TG: variants seen among roughly 807,000 people sequenced by gnomAD.
TG encodes the protein thyroglobulin.
Under a neutral mutation model 324.7 loss-of-function variants are expected in TG, and 270 were observed. The ratio of observed to expected loss-of-function variants is 0.83; its 90% confidence interval spans 0.75 to 0.92. The LOEUF is 0.92. TG is among the 40% of genes least tolerant of loss of function. The pLI is 0.00. For missense variants in TG, 3,591 were observed against 3,456.4 expected (o/e 1.04, Z -0.98); for synonymous variants, 1,401 against 1,327.0 (o/e 1.06, Z -1.21).
chr8:132,884,884 G>A (rs1463195971), intron 8 of TG, among the ~76,000 whole-genome samples: 2 of 152,192 alleles, frequency 1.3e-5, no homozygotes, highest in Non-Finnish European at 2.9e-5. Flanking sequence ...AAGAGAAAGG[G>A]TAAGCTCTTA....
chr8:132,929,065 T>G lies in TG; in HGVS notation c.4700-11T>G. 6.2e-7 allele frequency: 1 copy of G among 1,611,256 alleles called. No individual in the cohort carries two copies. The highest frequency in any genetic ancestry group is 1.1e-5 in the South Asian group (1 of 91,006). On this transcript the variant is annotated splice_polypyrimidine_tract_variant and intron_variant, in intron 22 of 47. Coordinates refer to ENST00000220616, the MANE Select transcript of TG (RefSeq NM_003235.5). ...TCTGAGTCAGATTTACTAAATCTGC[T>G]TTATTTTTAGTGATGCAGAAGTTTG...
chr8:133,029,351 G>A (rs544723416), intron 40 of TG, among the ~76,000 whole-genome samples: 1 of 151,914 alleles, frequency 6.6e-6, no homozygotes, highest in South Asian at 2.1e-4. Flanking sequence ...GGGAAGGGTG[G>A]GATCCAGAGC....
chr8:133,077,838 G>C (rs1418961167), intron 41 of TG, among the ~76,000 whole-genome samples: 1 of 151,698 alleles, frequency 6.6e-6, no homozygotes, highest in Non-Finnish European at 1.5e-5. Context: ...AGCATCTCTG[G>C]ACCTGACCCC....
rs1270739246 is a variant in TG at position 133,113,449 on chromosome 8, A to G, written c.7600A>G (p.Ser2534Gly). 3.1e-6 allele frequency: 5 copies of G among 1,613,912 alleles called. No homozygotes were observed. Among genetic ancestry groups the G allele is most frequent in the Non-Finnish European group, 3.4e-6 (4 of 1,179,990 alleles). Residue 2534 changes from serine to glycine, a missense_variant, in exon 44 of 48, where the codon AGT (serine) becomes GGT (glycine). Physicochemically the swap from Ser to Gly is moderately conservative, Grantham distance 56. Transcript: ENST00000220616. ...KQFEESRGRT[S>G]SKTAFYQALQ... The stretch of plus-strand genomic sequence containing the variant: ...ATTTGAGGAAAGTCGAGGCCGGACC[A>G]GTAGCAAAACAGCCTTTTACCAGGC...
rs1257243340 is a variant in TG, at chr8:132,948,930, G to A, written c.5388G>A (p.Gln1796=). The A allele has an allele frequency of 6.2e-7, 1 of 1,613,670 alleles. No individual in the cohort carries two copies. Among genetic ancestry groups the A allele is most frequent in the Non-Finnish European group, 8.5e-7 (1 of 1,180,008 alleles). Residue 1796 remains glutamine, a synonymous_variant, in exon 27 of 48, where the codon CAG becomes CAA. Coordinates refer to ENST00000220616, the MANE Select transcript of TG (RefSeq NM_003235.5). The part of the protein sequence containing the change: ...SHQVILRLGD[Q]EFIKSLTPLE... Reference sequence around the variant, plus strand: ...AGGTGATATTGCGTCTTGGAGACCAGGAGTTCATCAAGAGTAAGTCTTTGC... The same window carrying A: ...AGGTGATATTGCGTCTTGGAGACCAAGAGTTCATCAAGAGTAAGTCTTTGC...
chr8:132,989,165 C>T (rs1242698366), intron 35 of TG, among the ~76,000 whole-genome samples: 1 of 152,142 alleles, frequency 6.6e-6, no homozygotes, highest in East Asian at 1.9e-4. Flanking sequence ...AAGACCTGCC[C>T]CCATGATTCA....
At chr8:133,067,731 G>A (rs1434917480) in intron 41 of TG, among the ~76,000 whole-genome samples, 2 of 151,712 alleles carry the variant, frequency 1.3e-5, no homozygotes, top group Admixed American at 6.6e-5. Flanking sequence ...AGCTGAGATC[G>A]CACCGCTGCA....
chr8:132,880,709 C>A (rs1241360531), intron 5 of TG, among the ~76,000 whole-genome samples: 1 of 152,128 alleles, frequency 6.6e-6, no homozygotes, highest in Non-Finnish European at 1.5e-5. Context: ...ATTACTACAC[C>A]ACACATTGAC....
Position 132,972,667 on chromosome 8 carries a change from C to G in TG, c.6125C>G (p.Ala2042Gly). 1 of 1,612,576 alleles carries G rather than the reference C, an allele frequency of 6.2e-7. No individual in the cohort carries two copies. Among genetic ancestry groups the G allele is most frequent in the Non-Finnish European group, 8.5e-7 (1 of 1,179,808 alleles). Reference protein sequence around the residue: ...IQMCSEENGGAWRILDCGSPD... With the variant: ...IQMCSEENGGGWRILDCGSPD... ...ATGTGCAGTGAGGAGAATGGAGGAG[C>G]CTGGCGCATTTTGGACTGTGGCTCT... The change falls in exon 34 of 48, where the codon GCC becomes GGC. Residue 2042 changes from alanine (A) to glycine (G), a missense_variant. Ala to Gly is a moderately conservative substitution (Grantham distance 60). Transcript: ENST00000220616.
At chr8:132,968,469 C>T (rs1828963984) in intron 31 of TG, among the ~76,000 whole-genome samples, 1 of 152,218 alleles carries the variant, frequency 6.6e-6, no homozygotes, top group South Asian at 2.1e-4. Flanking sequence ...TTTTCTCTCC[C>T]AGGCCATTAA....
chr8:133,071,479 G>A (rs1844021736), intron 41 of TG, among the ~76,000 whole-genome samples: 1 of 152,168 alleles, frequency 6.6e-6, no homozygotes, highest in Non-Finnish European at 1.5e-5. Context: ...GTGTGCTAGA[G>A]GGTTATGCTT....
intron 41 of TG, chr8:133,037,042 A>G (rs1333379514): frequency 6.6e-6 from 1 of 152,242 alleles, no homozygotes; most frequent in East Asian, 1.9e-4. Flanking sequence ...ACTAGAATCT[A>G]TGATACAGAA....
intron 35 of TG, chr8:132,994,676 A>G: frequency 4.7e-6 from 6 of 1,286,486 alleles, no homozygotes; most frequent in Non-Finnish European, 6.1e-6. Flanking sequence ...GAAGGAACTC[A>G]GTTTGACTTA....
intron 40 of TG, among the ~76,000 whole-genome samples, chr8:133,029,598 G>A (rs1014327344): frequency 1.3e-5 from 2 of 152,184 alleles, no homozygotes; most frequent in Admixed American, 6.5e-5. Context: ...CATGATCAAG[G>A]TCTCCTAGCT....
chr8:133,031,308 T>C (rs1836619856), intron 41 of TG, among the ~76,000 whole-genome samples: 1 of 152,242 alleles, frequency 6.6e-6, no homozygotes, highest in Non-Finnish European at 1.5e-5. Flanking sequence ...TCTTTCCTTT[T>C]TATGGCTGCA....
chr8:133,043,712 C>T (rs780668777), intron 41 of TG, among the ~76,000 whole-genome samples: 1 of 152,174 alleles, frequency 6.6e-6, no homozygotes, highest in Non-Finnish European at 1.5e-5. Flanking sequence ...CACTGCTTCT[C>T]GTGGGCCAGC....
At position 133,029,978 on chromosome 8, in the gene TG, G is replaced by A. The variant is rs373457446; in HGVS notation, c.7194G>A (p.Thr2398=). The part of the protein sequence containing the change: ...GADVASIHLL[T]ARATNSQLFR... ...ATGTGGCCAGCATCCACCTTCTCAC[G>A]GCCAGGGCCACCAACTCCCAACTTT... The change falls in exon 41 of 48, where the codon ACG becomes ACA. Residue 2398 remains threonine (T), a synonymous_variant. Transcript: ENST00000220616. 13 of 1,613,980 alleles carry A rather than the reference G, an allele frequency of 8.1e-6. 1 individual carries two copies. The highest frequency in any genetic ancestry group is 5.3e-5 in the African/African-American group (4 of 74,918).
chr8:133,054,848 G>A (rs1268285935), intron 41 of TG, among the ~76,000 whole-genome samples: 1 of 152,188 alleles, frequency 6.6e-6, no homozygotes, highest in East Asian at 1.9e-4. Context: ...GTCAAGAGAG[G>A]ACGGGCCCTT....
intron 45 of TG, among the ~76,000 whole-genome samples, chr8:133,118,319 CCTTT>C (rs1850865201): frequency 7.8e-6 from 1 of 127,724 alleles, no homozygotes; most frequent in Admixed American, 8.6e-5. Flanking sequence ...ACAGATTCTT[CCTTT>C]TTTTTTTTTT....
Sources: gnomAD v4.1 joint callset for allele counts (sites outside exome capture counted in the v4.1 genomes callset) on GRCh38, gnomAD v4.1.1 for gene constraint, MANE v1.5 for transcripts, NCBI Gene and HGNC (gene_info 2026-07-23, HGNC 2026-07-21) for gene names.